The following ASGR1 variants were observed in gnomAD, a reference collection of about 807,000 sequenced individuals.
The protein encoded by ASGR1 is C-type lectin domain family 4 member H1.
ASGR1 carries 35 observed loss-of-function variants against 33.1 expected under a neutral mutation model. That is an observed-to-expected ratio of 1.06 (90% confidence interval 0.81 to 1.40). The LOEUF is 1.40. Ranked by LOEUF, ASGR1 falls within the 40% of genes most tolerant of loss-of-function variation. The pLI is 0.00. For synonymous variants in ASGR1, 142 were observed against 152.5 expected (o/e 0.93, Z 0.51); for missense variants, 396 against 373.7 (o/e 1.06, Z -0.49).
In ASGR1 at chr17:7,177,075, G is replaced by C. The variant is rs1293917355; in HGVS notation, c.189C>G (p.Asn63Lys). 3.1e-6 allele frequency: 5 copies of C among 1,613,786 alleles called. No homozygotes were observed. Among genetic ancestry groups the C allele is most frequent in the Middle Eastern group, 1.6e-4 (1 of 6,062 alleles). The change falls in exon 4 of 9, where the codon AAC becomes AAG. Residue 63 changes from asparagine to lysine, a missense_variant and splice_region_variant. Physicochemically the swap from Asn to Lys is moderately conservative, Grantham distance 94. Coordinates refer to ENST00000269299, the MANE Select transcript of ASGR1 (RefSeq NM_001671.5). ...LVVVCVIGSQNSQLQEELRGL... is the reference protein window; with the variant it reads ...LVVVCVIGSQKSQLQEELRGL... ...CCCGCAGCTCCTCCTGCAGCTGGGA[G>C]TCTGGCCAGGACAGCGTGCAGAGAG... is the stretch of plus-strand genomic sequence containing the variant.
At chr17:7,177,848 G>C (rs1426063310) in intron 2 of ASGR1, 1 of 160,686 alleles carries the variant, frequency 6.2e-6, no homozygotes, top group Non-Finnish European at 1.4e-5. Context: ...GAGAGCTGGA[G>C]GGTTGGGGGG....
intron 5 of ASGR1, among the ~76,000 whole-genome samples, chr17:7,175,684 C>G (rs1400347246): frequency 6.6e-6 from 1 of 150,518 alleles, no homozygotes; most frequent in Non-Finnish European, 1.5e-5. Flanking sequence ...CTCACATTCG[C>G]ACACACACCC....
At chr17:7,177,546 C>T in intron 2 of ASGR1, 1 of 524,902 alleles carries the variant, frequency 1.9e-6, no homozygotes, top group East Asian at 3.1e-5. Flanking sequence ...GCCGCCCCAT[C>T]CCACCGAGGC....
chr17:7,178,724 CTTTTTTTTCTTTTCTTT>C, intron 1 of ASGR1, 136 bp from the exon 2 acceptor site: 1 of 427,436 alleles, frequency 2.3e-6, no homozygotes, highest in Non-Finnish European at 3.9e-6. Context: ...TTTTCTTTTT[CTTTTTTTTCTTTTCTTT>C]TTTTTTTTTT....
In ASGR1 at chr17:7,177,319, A is replaced by T. The variant is rs746456683; in HGVS notation, c.78T>A (p.Pro26=). ...SDHHQLRKGP[P]PPQPLLQRLC... is the part of the protein sequence containing the mutation. ...GACGCTGCAGGAGGGGCTGGGGAGG[A>T]GGTGGCCCTGCAAGAGGAGGGGGTG... Residue 26 remains proline (P), a synonymous_variant, in exon 3 of 9, where the codon CCT becomes CCA. Coordinates refer to ENST00000269299, the MANE Select transcript of ASGR1 (RefSeq NM_001671.5). The T allele has an allele frequency of 6.2e-7, 1 of 1,612,914 alleles. No homozygotes were observed. Among genetic ancestry groups the T allele is most frequent in the South Asian group, 1.1e-5 (1 of 91,014 alleles).
rs2069164552 is a variant in ASGR1 at position 7,174,003 on chromosome 17, G to GGCCC, written c.655_658dup (p.Pro220ArgfsTer109). 1 of 1,614,088 alleles carries GGCCC rather than the reference G, an allele frequency of 6.2e-7. No homozygotes were observed. The highest frequency in any genetic ancestry group is 1.1e-5 in the South Asian group (1 of 91,092). ...GTCCGTCCCGTCCACCCACTTCCAG[G>GGCCC]GCCCGTTTTGGTCGTGGAGGCCCAT... On this transcript the variant is annotated frameshift_variant, in exon 8 of 9. Coordinates refer to ENST00000269299, the MANE Select transcript of ASGR1 (RefSeq NM_001671.5). LOFTEE classifies it low-confidence loss of function (END_TRUNC).
chr17:7,175,944 C>G, intron 5 of ASGR1, among the ~76,000 whole-genome samples: 1 of 150,100 alleles, frequency 6.7e-6, no homozygotes, highest in East Asian at 2.0e-4. Flanking sequence ...CCCACACACG[C>G]AACACACACT....
chr17:7,173,588 G>C lies in ASGR1; in HGVS notation c.*71C>G, dbSNP rs552469057. ...CTAGATGAAAATTCCCGAGAAAGCA[G>C]AAGAGGCCCCCAGATGGGCGGATTC... is the stretch of plus-strand genomic sequence containing the variant. On this transcript the variant is annotated 3_prime_UTR_variant, in exon 9 of 9. Coordinates refer to ENST00000269299, the MANE Select transcript of ASGR1 (RefSeq NM_001671.5). This position sits in a 1 kb window ranked among gnomAD's most constrained non-coding sequence, Gnocchi z 4.7. The C allele has an allele frequency of 7.3e-5, 117 of 1,592,972 alleles. 3 individuals carry two copies. The East Asian group carries it at 2.4e-3, about 32-fold the overall frequency.
chr17:7,176,518 C>T (rs1279525754), intron 5 of ASGR1: 1 of 463,750 alleles, frequency 2.2e-6, no homozygotes. Context: ...CACACACCCC[C>T]TCTCATTCCC....
chr17:7,176,907 G>C lies in ASGR1; in HGVS notation c.284-6C>G, dbSNP rs755250665. On this transcript the variant is annotated splice_polypyrimidine_tract_variant and splice_region_variant and intron_variant, in intron 4 of 8. Transcript: ENST00000269299. Reference sequence around the variant, plus strand: ...CTTTCTTCCCACATTGCCTCCTGCGGGAGAGGCTCGCTCAGCGTTCCCGAC... The same window carrying C: ...CTTTCTTCCCACATTGCCTCCTGCGCGAGAGGCTCGCTCAGCGTTCCCGAC... The C allele has an allele frequency of 5.0e-6, 8 of 1,612,382 alleles. No individual in the cohort carries two copies. Among genetic ancestry groups the C allele is most frequent in the Admixed American group, 1.7e-5 (1 of 59,994 alleles).
chr17:7,177,122 C>T (rs2069227439), intron 3 of ASGR1, 46 bp from the exon 4 acceptor site: 4 of 1,612,844 alleles, frequency 2.5e-6, no homozygotes, highest in Non-Finnish European at 3.4e-6. Flanking sequence ...ATCGCTGTGT[C>T]CGCCACCACT....
intron 5 of ASGR1, 27 bp downstream of exon 5, chr17:7,176,803 C>A: frequency 2.5e-6 from 4 of 1,608,698 alleles, no homozygotes; most frequent in Non-Finnish European, 3.4e-6. Context: ...CACACACACA[C>A]ACACACACAC....
Position 7,173,909 on chromosome 17 carries a change from C to T in ASGR1, c.701+52G>A, listed in dbSNP as rs755346951. The T allele has an allele frequency of 1.9e-6, 3 of 1,611,380 alleles. No homozygotes were observed. The highest frequency in any genetic ancestry group is 2.2e-5 in the South Asian group (2 of 90,960). ...TCGCTCCAGACTCCTCAGCCCAGGGCCCCAGGGCGCGAAGGCGGCCGGACC... is the reference window on the plus strand; with the variant it reads ...TCGCTCCAGACTCCTCAGCCCAGGGTCCCAGGGCGCGAAGGCGGCCGGACC... On this transcript the variant is annotated intron_variant, in intron 8 of 8. Transcript: ENST00000269299. The surrounding 1 kb of genome is among the most constrained non-coding windows in gnomAD (Gnocchi z 4.7).
Position 7,173,518 on chromosome 17 carries a change from C to T in ASGR1, c.*141G>A, listed in dbSNP as rs111354766. 2.3e-3 allele frequency: 2,791 copies of T among 1,208,372 alleles called. 48 individuals carry two copies. In the African/African-American group the frequency reaches 0.037, roughly 16 times the overall value. 74.9% of individuals were successfully genotyped at this position (1,208,372 alleles called of 1,614,324 possible). On this transcript the variant is annotated 3_prime_UTR_variant, in exon 9 of 9. Coordinates refer to ENST00000269299, the MANE Select transcript of ASGR1 (RefSeq NM_001671.5). The surrounding 1 kb of genome is among the most constrained non-coding windows in gnomAD (Gnocchi z 4.7). ...AGAAAGCGCCACGGGTTTCAAGCTC[C>T]TCACCTTCGGAACATCACCCTATCC... is the stretch of plus-strand genomic sequence containing the variant.
intron 5 of ASGR1, among the ~76,000 whole-genome samples, chr17:7,176,267 TCAC>T (rs2069205219): frequency 8.4e-6 from 1 of 118,410 alleles, no homozygotes; most frequent in Admixed American, 8.4e-5. Flanking sequence ...ATTCTCACAC[TCAC>T]TCACACACCC....
rs369316332 is a variant in ASGR1 at position 7,174,266 on chromosome 17, C to G, written c.466G>C (p.Val156Leu). ...GNGSERTCCP[V>L]NWVEHERSCY... ...CTGCGCTCGTGCTCCACCCAGTTGACCGGGCAGCAGGTCCTTTCTGAGCCT... is the reference window on the plus strand; with the variant it reads ...CTGCGCTCGTGCTCCACCCAGTTGAGCGGGCAGCAGGTCCTTTCTGAGCCT... Residue 156 changes from valine (V) to leucine (L), a missense_variant, in exon 7 of 9, where the codon GTC (valine) becomes CTC (leucine). Coordinates refer to ENST00000269299, the MANE Select transcript of ASGR1 (RefSeq NM_001671.5). The G allele has an allele frequency of 2.0e-5, 32 of 1,613,950 alleles. No homozygotes were observed. In the African/African-American group the frequency reaches 3.7e-4, roughly 19 times the overall value.
intron 5 of ASGR1, among the ~76,000 whole-genome samples, chr17:7,176,301 A>G (rs1390861258): frequency 7.0e-6 from 1 of 143,502 alleles, no homozygotes; most frequent in Non-Finnish European, 1.5e-5. Context: ...TCACACTCAC[A>G]GACTCACACT....
At chr17:7,178,927 G>A (rs1432397027) in intron 1 of ASGR1, 42 of 171,120 alleles carry the variant, frequency 2.5e-4, no homozygotes. Flanking sequence ...AGTAGAGACG[G>A]GGTTTCACCG....
In ASGR1 at chr17:7,174,271, C is replaced by A; in HGVS notation, c.461G>T (p.Cys154Phe). ...LQGNGSERTCCPVNWVEHERS... is the reference protein window; with the variant it reads ...LQGNGSERTCFPVNWVEHERS... ...CTCGTGCTCCACCCAGTTGACCGGG[C>A]AGCAGGTCCTTTCTGAGCCTGAGCG... Residue 154 changes from cysteine (C) to phenylalanine (F), a missense_variant, in exon 7 of 9, where the codon TGC becomes TTC. Cys to Phe is a radical substitution (Grantham distance 205, BLOSUM62 -2). Transcript: ENST00000269299. The A allele has an allele frequency of 6.2e-7, 1 of 1,613,982 alleles. No homozygotes were observed. The highest frequency in any genetic ancestry group is 8.5e-7 in the Non-Finnish European group (1 of 1,179,898).
Sources: allele counts gnomAD v4.1 joint callset (sites outside exome capture counted in the v4.1 genomes callset), GRCh38; gene constraint gnomAD v4.1.1; non-coding constraint Gnocchi (gnomAD v3.1); transcripts MANE v1.5; gene names NCBI Gene and HGNC (gene_info 2026-07-23, HGNC 2026-07-21).